Variants in KLF12 observed in about 807,000 individuals in gnomAD.
KLF12 encodes KLF transcription factor 12.
A neutral mutation model predicts 37.8 loss-of-function variants in KLF12; 9 were observed. That is an observed-to-expected ratio of 0.24 (90% CI 0.14 to 0.42). KLF12 has a LOEUF of 0.42. Ranked by LOEUF, KLF12 falls within the 10% of genes least tolerant of loss-of-function variation. KLF12 has a pLI of 1.00. For synonymous variants in KLF12, 208 were observed against 202.1 expected (o/e 1.03, Z -0.25); for missense variants, 411 against 516.0 (o/e 0.80, Z 1.97).
chr13:74,216,403 C>G, the KLF12 span, among the ~76,000 whole-genome samples: 1 of 152,052 alleles, frequency 6.6e-6, no homozygotes. Flanking sequence ...GGTTAATGTA[C>G]AACAGCGTAG....
chr13:74,128,392 G>A (rs568520707), intron 1 of KLF12, among the ~76,000 whole-genome samples: 1 of 95,596 alleles, frequency 1.0e-5, no homozygotes, highest in Non-Finnish European at 3.0e-5. Flanking sequence ...TGGCTGGAGT[G>A]CTTTTCCTAT....
At position 74,036,100 on chromosome 13, in the gene KLF12, A is replaced by G. The variant is rs572202281; in HGVS notation, c.-31-41047T>C. 6.6e-5 allele frequency among the ~76,000 whole-genome samples: 10 copies of G among 152,280 alleles called. No individual in the cohort carries two copies. In the East Asian group the frequency reaches 1.9e-3, roughly 29 times the overall value. On this transcript the variant is annotated intron_variant, in intron 1 of 7. Transcript: ENST00000377669. Reference sequence around the variant, plus strand: ...CTATACACTCCTATCCGCAAGGCCTAGCATTCATCAGCTCCTTGTGAACCA... The same window carrying G: ...CTATACACTCCTATCCGCAAGGCCTGGCATTCATCAGCTCCTTGTGAACCA...
At chr13:73,951,192 T>C (rs1041639230) in intron 2 of KLF12, among the ~76,000 whole-genome samples, 1 of 152,250 alleles carries the variant, frequency 6.6e-6, no homozygotes, top group African/African-American at 2.4e-5. Context: ...GGTTGTTTCA[T>C]GTGCTTTACA....
chr13:73,776,145 A>C (rs1415218498), intron 5 of KLF12, among the ~76,000 whole-genome samples: 1 of 152,212 alleles, frequency 6.6e-6, no homozygotes, highest in Middle Eastern at 3.2e-3. Flanking sequence ...GTTAAAAAGA[A>C]ATGGATTTAT....
the KLF12 span, among the ~76,000 whole-genome samples, chr13:74,156,303 C>G: frequency 1.3e-5 from 2 of 152,156 alleles, no homozygotes; most frequent in African/African-American, 2.4e-5. Flanking sequence ...CCAATTCATT[C>G]CAGCCATTGG....
intron 6 of KLF12, among the ~76,000 whole-genome samples, chr13:73,719,318 G>A (rs1876052421): frequency 1.3e-5 from 2 of 151,990 alleles, no homozygotes; most frequent in Non-Finnish European, 1.5e-5. Context: ...CGACAACCGT[G>A]GACTGGGGGT....
At chr13:74,001,788 T>C (rs1892287897) in intron 1 of KLF12, among the ~76,000 whole-genome samples, 1 of 152,240 alleles carries the variant, frequency 6.6e-6, no homozygotes, top group Non-Finnish European at 1.5e-5. Context: ...GTGAAAACAT[T>C]CCATCAAACT....
intron 2 of KLF12, among the ~76,000 whole-genome samples, chr13:73,951,068 C>T (rs910207792): frequency 6.6e-5 from 10 of 152,190 alleles, no homozygotes; most frequent in African/African-American, 1.2e-4. Context: ...GCCTCATAGA[C>T]GATCAAGAAG....
intron 3 of KLF12, among the ~76,000 whole-genome samples, chr13:73,920,469 A>C (rs1889062299): frequency 6.6e-6 from 1 of 152,160 alleles, no homozygotes; most frequent in African/African-American, 2.4e-5. Flanking sequence ...TCCAAAATTT[A>C]AAAACTAAAA....
At chr13:73,836,795 G>A (rs1884458021) in intron 4 of KLF12, among the ~76,000 whole-genome samples, 1 of 152,008 alleles carries the variant, frequency 6.6e-6, no homozygotes, top group Non-Finnish European at 1.5e-5. Context: ...AAACTTTTCA[G>A]GTTTGGTGAA....
chr13:74,131,029 G>A (rs1317975023), intron 1 of KLF12, among the ~76,000 whole-genome samples: 1 of 152,154 alleles, frequency 6.6e-6, no homozygotes, highest in Non-Finnish European at 1.5e-5. Context: ...CCTTCACTGG[G>A]TAAGGTTACC....
intron 6 of KLF12, among the ~76,000 whole-genome samples, chr13:73,733,625 CGCTGTT>C (rs1877233979): frequency 6.6e-6 from 1 of 152,066 alleles, no homozygotes; most frequent in Non-Finnish European, 1.5e-5. Context: ...TTGTGAATAA[CGCTGTT>C]ATGACCAGTA....
chr13:74,053,645 T>C (rs1873061609), intron 1 of KLF12, among the ~76,000 whole-genome samples: 3 of 152,178 alleles, frequency 2.0e-5, no homozygotes, highest in Non-Finnish European at 4.4e-5. Context: ...AATAATGCTT[T>C]GCAAAGGTGG....
rs572919687 is a variant in KLF12 at position 73,996,875 on chromosome 13, C to G, written c.-31-1822G>C. ...CACTTAGCTGTACCAATTTATATTC[C>G]CACTAGGAGAAGACATAAGGATGAA... is the stretch of plus-strand genomic sequence containing the variant. On this transcript the variant is annotated intron_variant, in intron 1 of 7. Transcript: ENST00000377669. Among the ~76,000 whole-genome samples the G allele has an allele frequency of 3.0e-3, 457 of 152,234 alleles. 1 individual carries two copies. The highest frequency in any genetic ancestry group is 5.6e-3 in the Non-Finnish European group (383 of 68,024).
intron 2 of KLF12, among the ~76,000 whole-genome samples, chr13:73,984,508 T>G (rs1891772380): frequency 6.6e-6 from 1 of 152,142 alleles, no homozygotes. Flanking sequence ...AGGGTCTATG[T>G]GGACTGGCAT....
intron 4 of KLF12, among the ~76,000 whole-genome samples, chr13:73,814,752 C>T (rs994092583): frequency 6.6e-6 from 1 of 151,822 alleles, no homozygotes; most frequent in Non-Finnish European, 1.5e-5. Context: ...ATTGTCACAA[C>T]TTGGGGCGGG....
the KLF12 span, among the ~76,000 whole-genome samples, chr13:74,287,563 T>C: frequency 6.6e-6 from 1 of 152,168 alleles, no homozygotes; most frequent in East Asian, 1.9e-4. Flanking sequence ...TTACATAGAG[T>C]TTAATTGATG....
At chr13:74,122,748 GCACTGAA>G (rs1431413588) in intron 1 of KLF12, among the ~76,000 whole-genome samples, 1 of 151,506 alleles carries the variant, frequency 6.6e-6, no homozygotes, top group African/African-American at 2.4e-5. Context: ...CTCTTAGGCA[GCACTGAA>G]CAAAAAAAGA....
the KLF12 span, among the ~76,000 whole-genome samples, chr13:74,177,773 T>C: frequency 0.039 from 5,912 of 152,196 alleles, 356 homozygotes; most frequent in African/African-American, 0.13. Flanking sequence ...AGGGAAGCAG[T>C]GGATTTGTGG....
Sources: allele counts gnomAD v4.1 joint callset (sites outside exome capture counted in the v4.1 genomes callset), GRCh38; gene constraint gnomAD v4.1.1; transcripts MANE v1.5; gene names NCBI Gene and HGNC (gene_info 2026-07-23, HGNC 2026-07-21).